Variants in CCDC60 observed in about 807,000 individuals in gnomAD.
CCDC60 encodes the protein coiled-coil domain-containing protein 60.
In CCDC60, 54 loss-of-function variants were observed where a neutral mutation model predicts 63.5. The observed-to-expected ratio is 0.85, with a 90% CI of 0.68 to 1.07. The LOEUF (loss-of-function observed/expected upper bound fraction) is 1.07, where lower values mean the gene tolerates loss of function less well. CCDC60 is among the 50% of genes least tolerant of loss of function. CCDC60 has a pLI of 0.00. For missense variants in CCDC60, 651 were observed against 684.3 expected (o/e 0.95, Z 0.54); for synonymous variants, 206 against 238.8 (o/e 0.86, Z 1.27).
At chr12:119,406,741 A>C (rs1956499628) in intron 1 of CCDC60, among the ~76,000 whole-genome samples, 1 of 151,920 alleles carries the variant, frequency 6.6e-6, no homozygotes, top group Admixed American at 6.6e-5. Flanking sequence ...TTACTTCATG[A>C]ATATAAGCCA....
chr12:119,508,792 T>G (rs546796048), intron 7 of CCDC60, among the ~76,000 whole-genome samples: 2 of 152,280 alleles, frequency 1.3e-5, no homozygotes, highest in African/African-American at 4.8e-5. Context: ...GATCTACTTT[T>G]CCAAGGTGTT....
chr12:119,467,457 T>A (rs769018311), intron 2 of CCDC60, among the ~76,000 whole-genome samples: 5 of 152,210 alleles, frequency 3.3e-5, no homozygotes, highest in Non-Finnish European at 7.4e-5. Context: ...GTGAATGCGA[T>A]TAGTGCCCCT....
chr12:119,401,600 T>C (rs1956393167), intron 1 of CCDC60, among the ~76,000 whole-genome samples: 1 of 152,246 alleles, frequency 6.6e-6, no homozygotes, highest in Non-Finnish European at 1.5e-5. Flanking sequence ...TCTAAGGTGT[T>C]GGCAGATAAT....
intron 9 of CCDC60, 61 bp from the exon 10 acceptor site, chr12:119,522,878 G>C: frequency 6.7e-7 from 1 of 1,500,878 alleles, no homozygotes; most frequent in Non-Finnish European, 9.3e-7. Context: ...GGAGCACTGG[G>C]GGCACCCTTT....
chr12:119,501,750 A>G lies in CCDC60; in HGVS notation c.648+1582A>G, dbSNP rs558100937. ...TCCTTCAGGGATATTCACCACTAAA[A>G]TTGGAGGAGGGGAGGGGGAGAATGA... On this transcript the variant is annotated intron_variant, in intron 6 of 13. Coordinates refer to ENST00000327554, the MANE Select transcript of CCDC60 (RefSeq NM_178499.5). 8.6e-4 allele frequency among the ~76,000 whole-genome samples: 131 copies of G among 152,264 alleles called. 2 individuals are homozygous for G. The highest frequency in any genetic ancestry group is 1.2e-3 in the Non-Finnish European group (83 of 68,010).
chr12:119,475,835 T>A (rs1951165341), intron 3 of CCDC60, among the ~76,000 whole-genome samples: 1 of 152,196 alleles, frequency 6.6e-6, no homozygotes, highest in Non-Finnish European at 1.5e-5. Flanking sequence ...CAGTAATTGT[T>A]CCTATTATGA....
intron 1 of CCDC60, among the ~76,000 whole-genome samples, chr12:119,375,916 C>T (rs958989015): frequency 5.9e-5 from 9 of 152,168 alleles, no homozygotes; most frequent in Admixed American, 5.9e-4. Flanking sequence ...TAAAGTCTGA[C>T]AAACGTGGAG....
At chr12:119,529,323 C>T (rs955010058) in intron 12 of CCDC60, among the ~76,000 whole-genome samples, 6 of 152,056 alleles carry the variant, frequency 3.9e-5, no homozygotes, top group African/African-American at 1.4e-4. Context: ...TATTAACCCC[C>T]ATTTCACAAA....
chr12:119,361,910 T>A (rs1239080240), intron 1 of CCDC60, among the ~76,000 whole-genome samples: 1 of 152,242 alleles, frequency 6.6e-6, no homozygotes, highest in Non-Finnish European at 1.5e-5. Context: ...GTGCATAGTT[T>A]AATGAGGGGA....
chr12:119,349,746 G>A (rs761928244), intron 1 of CCDC60, among the ~76,000 whole-genome samples: 1 of 152,162 alleles, frequency 6.6e-6, no homozygotes, highest in African/African-American at 2.4e-5. Context: ...CAAGAACCCT[G>A]TGAAGTCTCC....
chr12:119,449,357 A>G (rs142834119), intron 2 of CCDC60, among the ~76,000 whole-genome samples: 49 of 152,290 alleles, frequency 3.2e-4, no homozygotes, highest in African/African-American at 1.1e-3. Flanking sequence ...TCATTTGATC[A>G]CTTCTTCCAG....
rs184361717 is a variant in CCDC60 at position 119,502,413 on chromosome 12, G to A, written c.648+2245G>A. Among the ~76,000 whole-genome samples, 19 of 152,250 alleles carry A rather than the reference G, an allele frequency of 1.2e-4. No individual in the cohort carries two copies. The East Asian group carries it at 3.7e-3, about 29-fold the overall frequency. ...CCGTTGCCAAAAATCAGTCCCTACT[G>A]AGATGGAACATAGCAACTGGTTAAC... On this transcript the variant is annotated intron_variant, in intron 6 of 13. Coordinates refer to ENST00000327554, the MANE Select transcript of CCDC60 (RefSeq NM_178499.5).
chr12:119,506,091 C>G (rs1201491083), intron 7 of CCDC60, among the ~76,000 whole-genome samples: 2 of 152,016 alleles, frequency 1.3e-5, no homozygotes, highest in African/African-American at 4.8e-5. Flanking sequence ...GTTGTGTAAC[C>G]ATCACCACAA....
rs528331116 is a variant in CCDC60, at chr12:119,444,513, A to C, written c.170+15751A>C. Reference sequence around the variant, plus strand: ...CAGTTAGCCATAGGCCATTACGTGAATTATTCATGGGAAGTCTAGAGTCTC... The same window carrying C: ...CAGTTAGCCATAGGCCATTACGTGACTTATTCATGGGAAGTCTAGAGTCTC... On this transcript the variant is annotated intron_variant, in intron 2 of 13. Transcript: ENST00000327554. 1.2e-4 allele frequency among the ~76,000 whole-genome samples: 19 copies of C among 152,332 alleles called. No individual in the cohort carries two copies. In the South Asian group the frequency reaches 1.9e-3, roughly 15 times the overall value.
chr12:119,370,369 G>A (rs907718385), intron 1 of CCDC60, among the ~76,000 whole-genome samples: 9 of 152,324 alleles, frequency 5.9e-5, no homozygotes, highest in Middle Eastern at 3.4e-3. Flanking sequence ...ATGAATTGCC[G>A]TGCTCACTTA....
chr12:119,525,084 T>C (rs1487914279), intron 11 of CCDC60, among the ~76,000 whole-genome samples: 10 of 152,182 alleles, frequency 6.6e-5, no homozygotes, highest in Non-Finnish European at 1.0e-4. Context: ...AACAATCCTA[T>C]GAGGTAGGTG....
intron 8 of CCDC60, among the ~76,000 whole-genome samples, chr12:119,517,078 C>T (rs1211523509): frequency 6.6e-6 from 1 of 152,150 alleles, no homozygotes; most frequent in Admixed American, 6.5e-5. Context: ...GCCTCCAACT[C>T]CTGGACTCAA....
intron 11 of CCDC60, among the ~76,000 whole-genome samples, chr12:119,525,911 AT>A (rs1952665708): frequency 2.0e-5 from 3 of 152,300 alleles, no homozygotes; most frequent in Middle Eastern, 3.4e-3. Flanking sequence ...CTAGAAAAAA[AT>A]ATTTTAAAAA....
chr12:119,352,964 A>T (rs1002043198), intron 1 of CCDC60, among the ~76,000 whole-genome samples: 7 of 152,158 alleles, frequency 4.6e-5, no homozygotes, highest in Admixed American at 1.3e-4. Flanking sequence ...AAATTAAAAA[A>T]AAATAAATAA....
Sources: allele counts gnomAD v4.1 joint callset (sites outside exome capture counted in the v4.1 genomes callset), GRCh38; gene constraint gnomAD v4.1.1; transcripts MANE v1.5; gene names NCBI Gene and HGNC (gene_info 2026-07-23, HGNC 2026-07-21).